The following SLFNL1 variants were observed in gnomAD, a reference collection of about 807,000 sequenced individuals.
The protein encoded by SLFNL1 is schlafen-like protein 1.
In SLFNL1, 26 loss-of-function variants were observed where a neutral mutation model predicts 32.5. The ratio of observed to expected loss-of-function variants is 0.80; its 90% CI spans 0.59 to 1.11. The LOEUF is 1.11. Among genes scored for constraint, SLFNL1 ranks in the 50% least tolerant of loss-of-function variants. The probability of loss-of-function intolerance (pLI) is 0.00; values close to 1 mark genes in which losing one functional copy is unlikely to be tolerated. For synonymous variants in SLFNL1, 255 were observed against 242.2 expected, an observed-to-expected ratio of 1.05 and a Z score of -0.49; for missense variants, 553 against 546.5, an observed-to-expected ratio of 1.01 and a Z score of -0.12.
chr1:41,016,771 G>A lies in SLFNL1; in HGVS notation c.1101+463C>T, dbSNP rs1240130012. On this transcript the variant is annotated intron_variant, in intron 5 of 5. Coordinates refer to ENST00000302946, the MANE Select transcript of SLFNL1 (RefSeq NM_144990.4). Reference sequence around the variant, plus strand: ...GTCGCCCAGGCTGGAGTGCAGTGGCGCGATCTCGGCTCACTGCAACCTCCG... The same window carrying A: ...GTCGCCCAGGCTGGAGTGCAGTGGCACGATCTCGGCTCACTGCAACCTCCG... 3.2e-5 allele frequency: 5 copies of A among 154,934 alleles called. 1 individual carries two copies. The South Asian group carries it at 6.1e-4, about 19-fold the overall frequency. 9.6% of individuals were successfully genotyped at this position (154,934 alleles called of 1,614,324 possible).
At position 41,020,375 on chromosome 1, in the gene SLFNL1, C is replaced by T. The variant is rs372330365; in HGVS notation, c.286G>A (p.Val96Met). 21 of 1,613,436 alleles carry T rather than the reference C, an allele frequency of 1.3e-5. No homozygotes were observed. Among genetic ancestry groups the T allele is most frequent in the Non-Finnish European group, 1.6e-5 (19 of 1,180,048 alleles). ...GTGTCCCTGTGGACAGTCACCTGCA[C>T]CAGTGCATAGGCCTTCCGCGGCCGC... ...VRRPRKAYAL[V>M]QVTVHRDTLA... The change falls in exon 3 of 6, where the codon GTG becomes ATG. Residue 96 changes from valine to methionine, a missense_variant. Coordinates refer to ENST00000302946, the MANE Select transcript of SLFNL1 (RefSeq NM_144990.4).
intron 5 of SLFNL1, chr1:41,016,550 C>A (rs968071208): frequency 6.7e-6 from 2 of 299,722 alleles, no homozygotes; most frequent in Non-Finnish European, 1.3e-5. Context: ...CCCCCTCTGC[C>A]GCTTTAGGGC....
chr1:41,016,973 G>C, intron 5 of SLFNL1: 2 of 351,350 alleles, frequency 5.7e-6, no homozygotes, highest in Non-Finnish European at 1.0e-5. Context: ...CTCCCAAAGT[G>C]CTGGGATTAC....
intron 1 of SLFNL1, 58 bp from the exon 2 acceptor site, chr1:41,020,928 C>CAG (rs34845599): frequency 0.4 from 179,088 of 450,394 alleles, 38,089 homozygotes; most frequent in Admixed American, 0.52. Context: ...TGTGGGAAGA[C>CAG]GGGATCTGCC....
chr1:41,016,714 A>AT lies in SLFNL1; in HGVS notation c.1102-487dup, dbSNP rs201378730. On this transcript the variant is annotated intron_variant, in intron 5 of 5. Coordinates refer to ENST00000302946, the MANE Select transcript of SLFNL1 (RefSeq NM_144990.4). ...CCCTGAAGGGAGGATACTGCATAGG[A>AT]TTTTTTTTTTTTTGAGATGGAGTCT... 1,191 of 145,934 alleles carry AT rather than the reference A, an allele frequency of 8.2e-3. 5 individuals carry two copies. The highest frequency in any genetic ancestry group is 0.024 in the Middle Eastern group (7 of 286). 9.0% of individuals were successfully genotyped at this position (145,934 alleles called of 1,614,324 possible). A position where few individuals can be genotyped will look rare whatever the true frequency, so the allele number is the denominator to read the frequency against.
rs772110855 is a variant in SLFNL1 at position 41,017,869 on chromosome 1, G to A, written c.723C>T (p.His241=). 2.5e-6 allele frequency: 4 copies of A among 1,607,248 alleles called. No homozygotes were observed. The highest frequency in any genetic ancestry group is 2.2e-5 in the South Asian group (2 of 90,898). ...SGEYLSLAFK[H]HVRRYVCAFL... ...AGGCGCACACGTAGCGCCGCACGTGGTGCTTGAAGGCCAGGCTGAGGTACT... is the reference window on the plus strand; with the variant it reads ...AGGCGCACACGTAGCGCCGCACGTGATGCTTGAAGGCCAGGCTGAGGTACT... Residue 241 remains histidine (H), a synonymous_variant, in exon 4 of 6, where the codon CAC becomes CAT. Coordinates refer to ENST00000302946, the MANE Select transcript of SLFNL1 (RefSeq NM_144990.4). This position sits in a 1 kb window ranked among gnomAD's most constrained non-coding sequence, Gnocchi z 4.9.
Position 41,017,105 on chromosome 1 carries a change from C to T in SLFNL1, c.1101+129G>A, listed in dbSNP as rs903706252. ...GATGTGGTGTGATTGTATTCCAACCCCTTGGGTTCAACGGGGTGATGCAGG... is the reference window on the plus strand; with the variant it reads ...GATGTGGTGTGATTGTATTCCAACCTCTTGGGTTCAACGGGGTGATGCAGG... On this transcript the variant is annotated intron_variant, in intron 5 of 5. Coordinates refer to ENST00000302946, the MANE Select transcript of SLFNL1 (RefSeq NM_144990.4). This position sits in a 1 kb window ranked among gnomAD's most constrained non-coding sequence, Gnocchi z 4.9. 7.6e-6 allele frequency: 9 copies of T among 1,187,370 alleles called. No homozygotes were observed. Among genetic ancestry groups the T allele is most frequent in the Non-Finnish European group, 1.0e-5 (9 of 874,298 alleles). The allele number at this position is 1,187,370 out of a possible 1,614,324, so 73.6% of individuals were successfully genotyped here.
Position 41,020,845 on chromosome 1 carries a change from G to A in SLFNL1, c.-119+19C>T, listed in dbSNP as rs901951023. ...GAGAGGGAGGGCAGAGGGCAAGCAG[G>A]AAAGGGCCTGCCACCCACCTGAGGC... On this transcript the variant is annotated intron_variant, in intron 2 of 5. Transcript: ENST00000302946. 8.2e-6 allele frequency: 5 copies of A among 608,526 alleles called. No homozygotes were observed. Among genetic ancestry groups the A allele is most frequent in the African/African-American group, 3.7e-5 (2 of 54,122 alleles). 37.7% of individuals were successfully genotyped at this position (608,526 alleles called of 1,614,324 possible).
Position 41,020,738 on chromosome 1 carries a change from G to A in SLFNL1, c.-78C>T. 7.4e-7 allele frequency: 1 copy of A among 1,356,666 alleles called. No homozygotes were observed. Among genetic ancestry groups the A allele is most frequent in the South Asian group, 1.3e-5 (1 of 74,992 alleles). 84.0% of individuals were successfully genotyped at this position (1,356,666 alleles called of 1,614,324 possible). A position where few individuals can be genotyped will look rare whatever the true frequency, so the allele number is the denominator to read the frequency against. On this transcript the variant is annotated 5_prime_UTR_variant, in exon 3 of 6. Coordinates refer to ENST00000302946, the MANE Select transcript of SLFNL1 (RefSeq NM_144990.4). ...CTCCCAGGGTCTGTGTTCTCAGTGT[G>A]GCTTAAGGGCTCCCAGAGGACTCAG...
rs1253371274 is a variant in SLFNL1 at position 41,016,102 on chromosome 1, G to A, written c.*4C>T. On this transcript the variant is annotated 3_prime_UTR_variant, in exon 6 of 6. Transcript: ENST00000302946. ...CGTGCCGTCCTGCCTGCTCCCCAGG[G>A]CCCTCACAGGACACAGCAGGTGCAG... 2 of 1,612,244 alleles carry A rather than the reference G, an allele frequency of 1.2e-6. No individual in the cohort carries two copies. Among genetic ancestry groups the A allele is most frequent in the Non-Finnish European group, 1.7e-6 (2 of 1,179,164 alleles).
chr1:41,018,111 T>A lies in SLFNL1; in HGVS notation c.481A>T (p.Ser161Cys). The part of the protein sequence containing the change: ...EEDSGLSPGP[S>C]PGSGVPLPTW... ...GGCAGCGGGACACCAGAGCCTGGAC[T>A]GGGGCCAGGGCTCAGGCCACTGTCC... The change falls in exon 4 of 6, where the codon AGT becomes TGT. Residue 161 changes from serine to cysteine, a missense_variant. By Grantham distance (112) the Ser-to-Cys change is moderately radical. Coordinates refer to ENST00000302946, the MANE Select transcript of SLFNL1 (RefSeq NM_144990.4). 6.5e-7 allele frequency: 1 copy of A among 1,539,212 alleles called. No individual in the cohort carries two copies. The highest frequency in any genetic ancestry group is 8.8e-7 in the Non-Finnish European group (1 of 1,136,606).
intron 3 of SLFNL1, 194 bp from the exon 4 acceptor site, chr1:41,018,350 A>G: frequency 1.9e-6 from 1 of 528,408 alleles, no homozygotes; most frequent in Non-Finnish European, 3.2e-6. Flanking sequence ...ACCCTGCTGG[A>G]TCGAGGGTTC....
rs1643301652 is a variant in SLFNL1 at position 41,016,157 on chromosome 1, C to T, written c.1173G>A (p.Gln391=). ...KALMMEKEQL[Q]QQLQQHGPVS... is the part of the protein sequence containing the mutation. ...CAGGCCCGTGCTGCTGCAGCTGCTG[C>T]TGGAGCTGCTCCTTCTCCATCATCA... Residue 391 remains glutamine (Q), a synonymous_variant, in exon 6 of 6, where the codon CAG becomes CAA. Transcript: ENST00000302946. The T allele has an allele frequency of 1.2e-6, 2 of 1,614,200 alleles. No homozygotes were observed. The highest frequency in any genetic ancestry group is 4.5e-5 in the East Asian group (2 of 44,880).
At position 41,017,746 on chromosome 1, in the gene SLFNL1, G is replaced by A; in HGVS notation, c.846C>T (p.Arg282=). 6.2e-7 allele frequency: 1 copy of A among 1,607,382 alleles called. No homozygotes were observed. Among genetic ancestry groups the A allele is most frequent in the South Asian group, 1.1e-5 (1 of 90,368 alleles). The part of the protein sequence containing the change: ...RCSHRDEDRA[R]LLVDSILQGF... ...CCTGCAGGATGGAGTCCACCAGCAG[G>A]CGTGCGCGGTCCTCGTCACGGTGGC... Residue 282 remains arginine (R), a synonymous_variant, in exon 4 of 6, where the codon CGC becomes CGT. Transcript: ENST00000302946. The surrounding 1 kb of genome is among the most constrained non-coding windows in gnomAD (Gnocchi z 4.9).
intron 3 of SLFNL1, 74 bp from the exon 4 acceptor site, chr1:41,018,230 AG>A (rs2148442784): frequency 7.2e-7 from 1 of 1,392,784 alleles, no homozygotes; most frequent in East Asian, 2.6e-5. Flanking sequence ...AAGGACTGCA[AG>A]AACCCCCAGT....
chr1:41,017,674 G>A lies in SLFNL1; in HGVS notation c.918C>T (p.Ile306=). The A allele has an allele frequency of 1.9e-6, 3 of 1,558,308 alleles. No homozygotes were observed. The highest frequency in any genetic ancestry group is 2.6e-6 in the Non-Finnish European group (3 of 1,148,252). The change falls in exon 4 of 6, where the codon ATC becomes ATT. Residue 306 remains isoleucine, a synonymous_variant. Coordinates refer to ENST00000302946, the MANE Select transcript of SLFNL1 (RefSeq NM_144990.4). The surrounding 1 kb of genome is among the most constrained non-coding windows in gnomAD (Gnocchi z 4.9). ...IFPDAYTLTF[I]PVISTSETSV... is the part of the protein sequence containing the mutation. ...TGGTCTCCGAGGTACTGATCACAGG[G>A]ATGAAGGTGAGAGTGTAGGCATCGG... is the stretch of plus-strand genomic sequence containing the variant.
Position 41,017,109 on chromosome 1 carries a change from G to T in SLFNL1, c.1101+125C>A. ...TGGTGTGATTGTATTCCAACCCCTT[G>T]GGTTCAACGGGGTGATGCAGGACCC... is the stretch of plus-strand genomic sequence containing the variant. On this transcript the variant is annotated intron_variant, in intron 5 of 5. Transcript: ENST00000302946. This position sits in a 1 kb window ranked among gnomAD's most constrained non-coding sequence, Gnocchi z 4.9. 1.7e-6 allele frequency: 2 copies of T among 1,200,322 alleles called. No homozygotes were observed. Among genetic ancestry groups the T allele is most frequent in the Non-Finnish European group, 1.1e-6 (1 of 885,862 alleles). 74.4% of individuals were successfully genotyped at this position (1,200,322 alleles called of 1,614,324 possible).
chr1:41,020,144 C>T (rs530940766), intron 3 of SLFNL1, 82 bp downstream of exon 3: 3 of 1,402,766 alleles, frequency 2.1e-6, no homozygotes, highest in African/African-American at 1.4e-5. Context: ...ACCCCTCCAT[C>T]CCCACTCTGC....
At chr1:41,021,008 C>CT (rs1643794272) in intron 1 of SLFNL1, 138 bp from the exon 2 acceptor site, 1 of 253,358 alleles carries the variant, frequency 3.9e-6, no homozygotes, top group Non-Finnish European at 7.7e-6. Context: ...CCCAGGGGTC[C>CT]TGTCTTCCCT....
Sources: gnomAD v4.1 joint callset for allele counts on GRCh38, gnomAD v4.1.1 for gene constraint, Gnocchi (gnomAD v3.1) non-coding constraint, MANE v1.5 for transcripts, NCBI Gene and HGNC (gene_info 2026-07-23, HGNC 2026-07-21) for gene names.